AFG2A: variants seen among roughly 807,000 people sequenced by gnomAD.
AFG2A encodes AAA ATPase AFG2A.
the AFG2A span, among the ~76,000 whole-genome samples, chr4:123,241,485 A>G: frequency 1.3e-5 from 2 of 152,006 alleles, no homozygotes; most frequent in Non-Finnish European, 2.9e-5. Flanking sequence ...AACATACGCA[A>G]ATCAATAAAT....
At chr4:122,976,637 C>T in the AFG2A span, among the ~76,000 whole-genome samples, 3 of 152,178 alleles carry the variant, frequency 2.0e-5, no homozygotes, top group Non-Finnish European at 4.4e-5. Context: ...TTAGATCTCT[C>T]CCTTGCTATA....
the AFG2A span, chr4:122,929,221 T>C: frequency 6.5e-7 from 1 of 1,545,376 alleles, no homozygotes; most frequent in East Asian, 2.3e-5. Flanking sequence ...CTTTGGTGAC[T>C]ATCTGGATCA....
the AFG2A span, among the ~76,000 whole-genome samples, chr4:123,150,587 C>T: frequency 6.6e-6 from 1 of 152,056 alleles, no homozygotes; most frequent in Non-Finnish European, 1.5e-5. Context: ...TTAAGGAGAA[C>T]TACAAACCAC....
chr4:122,952,967 A>G, the AFG2A span, among the ~76,000 whole-genome samples: 2 of 152,106 alleles, frequency 1.3e-5, no homozygotes, highest in East Asian at 3.9e-4. Flanking sequence ...ATCTAGTGTC[A>G]TTGTCCATGT....
the AFG2A span, among the ~76,000 whole-genome samples, chr4:123,140,127 C>T: frequency 6.6e-6 from 1 of 152,136 alleles, no homozygotes; most frequent in South Asian, 2.1e-4. Context: ...TTCCTTCAAT[C>T]CTGATATGTA....
the AFG2A span, among the ~76,000 whole-genome samples, chr4:122,945,384 A>T: frequency 6.6e-6 from 1 of 152,136 alleles, no homozygotes; most frequent in African/African-American, 2.4e-5. Flanking sequence ...GCCGCCTTGC[A>T]GTTTGATCTC....
At chr4:123,014,810 T>G in the AFG2A span, among the ~76,000 whole-genome samples, 1 of 152,232 alleles carries the variant, frequency 6.6e-6, no homozygotes, top group Non-Finnish European at 1.5e-5. Context: ...CTCTTAGCTA[T>G]TATATGTTTA....
chr4:123,289,932 T>G, the AFG2A span, among the ~76,000 whole-genome samples: 1 of 152,158 alleles, frequency 6.6e-6, no homozygotes, highest in Admixed American at 6.5e-5. Flanking sequence ...TATGCCATGG[T>G]GGTTTGCTGC....
the AFG2A span, chr4:122,927,661 A>T: frequency 1.9e-6 from 3 of 1,611,516 alleles, no homozygotes; most frequent in Non-Finnish European, 1.7e-6. Context: ...AAAACATTCC[A>T]GAATTCCCTT....
chr4:123,198,902 G>A, the AFG2A span, among the ~76,000 whole-genome samples: 1 of 152,192 alleles, frequency 6.6e-6, no homozygotes, highest in Admixed American at 6.5e-5. Flanking sequence ...GCATGAACTT[G>A]AATTCTGGAG....
the AFG2A span, among the ~76,000 whole-genome samples, chr4:123,107,391 C>T: frequency 2.6e-5 from 4 of 152,214 alleles, no homozygotes; most frequent in Admixed American, 2.6e-4. Context: ...ACATAGGTAG[C>T]TCCTTTCTGC....
chr4:122,985,867 ATGTCAG>A, the AFG2A span, among the ~76,000 whole-genome samples: 1 of 150,896 alleles, frequency 6.6e-6, no homozygotes. Context: ...TGACCTTAGA[ATGTCAG>A]TTTGTGCTCT....
chr4:123,057,100 T>C, the AFG2A span: 3 of 1,095,974 alleles, frequency 2.7e-6, no homozygotes, highest in African/African-American at 3.1e-5. Context: ...ACTGGGCTTG[T>C]TGACTTGTAC....
the AFG2A span, among the ~76,000 whole-genome samples, chr4:122,988,132 G>A: frequency 2.0e-5 from 3 of 151,504 alleles, no homozygotes; most frequent in African/African-American, 7.3e-5. Flanking sequence ...GGCCCGCAAT[G>A]GATTGTCTGA....
chr4:123,184,423 A>T, the AFG2A span, among the ~76,000 whole-genome samples: 1 of 152,006 alleles, frequency 6.6e-6, no homozygotes, highest in East Asian at 1.9e-4. Context: ...GTGCTGTCCG[A>T]CTTAAGAAGA....
At chr4:123,179,163 A>G in the AFG2A span, among the ~76,000 whole-genome samples, 2 of 152,178 alleles carry the variant, frequency 1.3e-5, no homozygotes. Flanking sequence ...TAGTGTACCT[A>G]ATTAGATGAG....
the AFG2A span, among the ~76,000 whole-genome samples, chr4:123,295,962 T>A: frequency 6.6e-6 from 1 of 152,144 alleles, no homozygotes; most frequent in African/African-American, 2.4e-5. Context: ...ATGCTAACAT[T>A]TTTCGGGAAG....
chr4:123,253,117 A>T, the AFG2A span, among the ~76,000 whole-genome samples: 2 of 152,162 alleles, frequency 1.3e-5, no homozygotes, highest in Non-Finnish European at 2.9e-5. Flanking sequence ...AGGTGGGTGG[A>T]TCACTTGGAC....
the AFG2A span, among the ~76,000 whole-genome samples, chr4:123,084,635 G>C: frequency 1.3e-5 from 2 of 151,168 alleles, no homozygotes; most frequent in Non-Finnish European, 1.5e-5. Flanking sequence ...TAAAGAGAGA[G>C]AGACAGAGAC....
Sources: gnomAD v4.1 joint callset for allele counts (sites outside exome capture counted in the v4.1 genomes callset) on GRCh38, gnomAD v4.1.1 for gene constraint, MANE v1.5 for transcripts, NCBI Gene and HGNC (gene_info 2026-07-23, HGNC 2026-07-21) for gene names.